The following PACS2 variants were observed in gnomAD, a reference collection of about 807,000 sequenced individuals.
The protein encoded by PACS2 is PACS1-like protein.
PACS2 carries 36 observed loss-of-function variants against 113.0 expected under a neutral mutation model. The observed-to-expected ratio is 0.32, with a 90% CI of 0.24 to 0.42. PACS2 has a LOEUF of 0.42. PACS2 is among the 10% of genes least tolerant of loss of function. PACS2 has a pLI of 1.00. For missense variants in PACS2, 1,015 were observed against 1,239.5 expected, an observed-to-expected ratio of 0.82 and a Z score of 2.72; for synonymous variants, 589 against 536.1, an observed-to-expected ratio of 1.10 and a Z score of -1.36.
rs924753736 is a variant in PACS2 at position 105,366,581 on chromosome 14, G to A, written c.424-632G>A. Among the ~76,000 whole-genome samples the A allele has an allele frequency of 1.3e-5, 2 of 152,136 alleles. No homozygotes were observed. Among genetic ancestry groups the A allele is most frequent in the South Asian group, 4.1e-4 (2 of 4,828 alleles). ...CTTGTTCTGCAGCTCCGTGGTTTGA[G>A]TGCCTCACAACAGAGGAGCTGGACC... is the stretch of plus-strand genomic sequence containing the variant. On this transcript the variant is annotated intron_variant, in intron 4 of 24. Transcript: ENST00000447393. The surrounding 1 kb of genome is among the most constrained non-coding windows in gnomAD (Gnocchi z 4.3).
chr14:105,364,519 G>T (rs2060877112), intron 4 of PACS2, among the ~76,000 whole-genome samples: 1 of 150,262 alleles, frequency 6.7e-6, no homozygotes, highest in East Asian at 1.9e-4. Context: ...GGTGGCCTGG[G>T]TGCGCGGTGG....
rs2060353291 is a variant in PACS2 at position 105,354,468 on chromosome 14, G to A, written c.298-584G>A. On this transcript the variant is annotated intron_variant, in intron 3 of 24. Transcript: ENST00000447393. This position sits in a 1 kb window ranked among gnomAD's most constrained non-coding sequence, Gnocchi z 4.2. ...GCATGTCAGCACCACCGCAGTTAGG[G>A]TGGTGAACAGCCCCATTTTCCCCTA... 6.6e-6 allele frequency among the ~76,000 whole-genome samples: 1 copy of A among 152,178 alleles called. No individual in the cohort carries two copies.
intron 6 of PACS2, 126 bp downstream of exon 6, chr14:105,368,273 T>C: frequency 3.6e-6 from 3 of 827,674 alleles, no homozygotes; most frequent in Non-Finnish European, 5.9e-6. Flanking sequence ...TGGCCCCTGG[T>C]TGGCCGCCCA....
chr14:105,370,685 C>T (rs781864247), intron 8 of PACS2: 1 of 152,316 alleles, frequency 6.6e-6, no homozygotes, highest in Non-Finnish European at 1.5e-5. Flanking sequence ...CAGAGCGAGA[C>T]CCTGTCTCAA....
chr14:105,385,062 T>A, intron 18 of PACS2, 75 bp downstream of exon 18: 1 of 957,212 alleles, frequency 1.0e-6, no homozygotes, highest in Non-Finnish European at 1.6e-6. Flanking sequence ...CCCCACCCGC[T>A]GCTGGGCTTG....
chr14:105,342,382 C>T (rs2059765433), intron 1 of PACS2, among the ~76,000 whole-genome samples: 1 of 152,014 alleles, frequency 6.6e-6, no homozygotes. Context: ...ATCCTCCCAC[C>T]TCAGCCTCCC....
intron 1 of PACS2, among the ~76,000 whole-genome samples, chr14:105,328,945 C>T (rs587653853): frequency 2.6e-5 from 4 of 152,302 alleles, no homozygotes; most frequent in Admixed American, 6.5e-5. Flanking sequence ...AATTGTAATT[C>T]GGAGCTGCAC....
chr14:105,313,217 C>T (rs1351375796), upstream of PACS2, among the ~76,000 whole-genome samples: 3 of 152,198 alleles, frequency 2.0e-5, no homozygotes, highest in Non-Finnish European at 2.9e-5. Context: ...ACTGCACGCT[C>T]GCCAGGTCCA....
upstream of PACS2, chr14:105,314,595 C>T (rs996879305): frequency 9.7e-5 from 14 of 144,668 alleles, no homozygotes; most frequent in African/African-American, 3.5e-4. Flanking sequence ...GCGCGCGCTG[C>T]GCCGGCGGCG....
At chr14:105,359,125 C>T (rs1316873207) in intron 4 of PACS2, among the ~76,000 whole-genome samples, 1 of 152,026 alleles carries the variant, frequency 6.6e-6, no homozygotes, top group Non-Finnish European at 1.5e-5. Context: ...CAGGCCTTCG[C>T]ATCCACACAC....
rs189491185 is a variant in PACS2 at position 105,342,007 on chromosome 14, G to A, written c.120-6486G>A. On this transcript the variant is annotated intron_variant, in intron 1 of 24. Coordinates refer to ENST00000447393, the MANE Select transcript of PACS2 (RefSeq NM_001100913.3). ...TGTGCTGCATAGATGGTGAGCACTG[G>A]ACTCACCCCCAGCCCCAAGTCAAAC... Among the ~76,000 whole-genome samples the A allele has an allele frequency of 2.0e-4, 31 of 152,332 alleles. 1 individual carries two copies. Among genetic ancestry groups the A allele is most frequent in the Admixed American group, 1.8e-3 (27 of 15,296 alleles).
In PACS2 at chr14:105,340,071, G is replaced by A. The variant is rs1005591413; in HGVS notation, c.120-8422G>A. ...TGCGATTCCAAGTGTGAGCCACCGCGTCTGGCTAAGGAGTATTTTCCTTAG... is the reference window on the plus strand; with the variant it reads ...TGCGATTCCAAGTGTGAGCCACCGCATCTGGCTAAGGAGTATTTTCCTTAG... On this transcript the variant is annotated intron_variant, in intron 1 of 24. Coordinates refer to ENST00000447393, the MANE Select transcript of PACS2 (RefSeq NM_001100913.3). The surrounding 1 kb of genome is among the most constrained non-coding windows in gnomAD (Gnocchi z 4.2). Among the ~76,000 whole-genome samples the A allele has an allele frequency of 1.3e-5, 2 of 152,210 alleles. No individual in the cohort carries two copies. Among genetic ancestry groups the A allele is most frequent in the Non-Finnish European group, 2.9e-5 (2 of 68,038 alleles).
chr14:105,312,484 G>A (rs2058373674), upstream of PACS2, among the ~76,000 whole-genome samples: 1 of 152,158 alleles, frequency 6.6e-6, no homozygotes, highest in Non-Finnish European at 1.5e-5. Context: ...TCATCCGAGA[G>A]GTTTGTCTCA....
intron 4 of PACS2, among the ~76,000 whole-genome samples, chr14:105,364,336 G>C (rs1363868523): frequency 7.7e-6 from 1 of 129,452 alleles, no homozygotes; most frequent in South Asian, 2.3e-4. Context: ...GCGGCGGCCC[G>C]GGGGTGTGGT....
At chr14:105,381,519 CTGTGTCCGCGCTTTGG>C in intron 12 of PACS2, among the ~76,000 whole-genome samples, 1 of 152,276 alleles carries the variant, frequency 6.6e-6, no homozygotes, top group South Asian at 2.1e-4. Context: ...ACGCAGGTGC[CTGTGTCCGCGCTTTGG>C]AGCCAGGTCG....
At position 105,390,012 on chromosome 14, in the gene PACS2, T is replaced by C. The variant is rs2141293093; in HGVS notation, c.2076+9T>C. The C allele has an allele frequency of 6.2e-7, 1 of 1,613,248 alleles. No homozygotes were observed. Among genetic ancestry groups the C allele is most frequent in the South Asian group, 1.1e-5 (1 of 91,072 alleles). On this transcript the variant is annotated intron_variant, in intron 20 of 24. Coordinates refer to ENST00000447393, the MANE Select transcript of PACS2 (RefSeq NM_001100913.3). ...TCATTCCCTTTGTCGGGGTGAGTAC[T>C]GGCCAGCTTTATGTGATGGGAAACC...
rs2059016918 is a variant in PACS2 at position 105,324,420 on chromosome 14, G to A, written c.119+9383G>A. Among the ~76,000 whole-genome samples, 1 of 152,146 alleles carries A rather than the reference G, an allele frequency of 6.6e-6. No homozygotes were observed. On this transcript the variant is annotated intron_variant, in intron 1 of 24. Coordinates refer to ENST00000447393, the MANE Select transcript of PACS2 (RefSeq NM_001100913.3). The surrounding 1 kb of genome is among the most constrained non-coding windows in gnomAD (Gnocchi z 4.7). ...GGTGTGGCGTGCTTATTCCTGCCTG[G>A]CCGTGGAGGGTCTCTGTAGGACAGG...
chr14:105,384,077 G>A (rs587622823), intron 16 of PACS2: 13 of 434,758 alleles, frequency 3.0e-5, no homozygotes, highest in South Asian at 8.2e-5. Context: ...TGAGCCAGCC[G>A]AGGCCTCTGC....
chr14:105,336,947 G>C (rs1370182594), intron 1 of PACS2, among the ~76,000 whole-genome samples: 3 of 152,202 alleles, frequency 2.0e-5, no homozygotes, highest in Admixed American at 2.0e-4. Context: ...GTTCACAGCA[G>C]CCTTACTCAC....
Sources: allele counts gnomAD v4.1 joint callset (sites outside exome capture counted in the v4.1 genomes callset), GRCh38; gene constraint gnomAD v4.1.1; non-coding constraint Gnocchi (gnomAD v3.1); transcripts MANE v1.5; gene names NCBI Gene and HGNC (gene_info 2026-07-23, HGNC 2026-07-21).